Variants in TBC1D12 observed in about 807,000 individuals in gnomAD.
TBC1D12 encodes TBC1 domain family, member 12.
In TBC1D12, 56 loss-of-function variants were observed where a neutral mutation model predicts 86.7. That is an observed-to-expected ratio of 0.65 (90% CI 0.52 to 0.81). The LOEUF (loss-of-function observed/expected upper bound fraction) is 0.81. Ranked by LOEUF, TBC1D12 falls within the 30% of genes least tolerant of loss-of-function variation. The pLI, the probability that TBC1D12 is intolerant of heterozygous loss-of-function variation, is 0.00. For missense variants in TBC1D12, 1,023 were observed against 1,038.8 expected (o/e 0.98, Z 0.21); for synonymous variants, 421 against 411.7 (o/e 1.02, Z -0.27).
chr10:94,509,193 C>T (rs914121594), intron 7 of TBC1D12: 3 of 150,486 alleles, frequency 2.0e-5, no homozygotes, highest in African/African-American at 7.4e-5. Context: ...CAATCTCTGC[C>T]TCCCAGGTTC....
At chr10:94,481,641 C>G (rs568675347) in intron 3 of TBC1D12, among the ~76,000 whole-genome samples, 1 of 152,244 alleles carries the variant, frequency 6.6e-6, no homozygotes, top group Non-Finnish European at 1.5e-5. Flanking sequence ...TTATCTAGAC[C>G]ACTCACACTT....
chr10:94,416,598 A>G (rs987059828), intron 1 of TBC1D12, among the ~76,000 whole-genome samples: 1 of 152,214 alleles, frequency 6.6e-6, no homozygotes, highest in African/African-American at 2.4e-5. Context: ...TGAGTCCTCT[A>G]TGTATACTAG....
chr10:94,459,272 T>C (rs186938942), intron 2 of TBC1D12, among the ~76,000 whole-genome samples: 95 of 152,196 alleles, frequency 6.2e-4, no homozygotes, highest in Admixed American at 1.7e-3. Context: ...AGAGCAGTGA[T>C]TGGTGCATTT....
intron 9 of TBC1D12, among the ~76,000 whole-genome samples, chr10:94,516,052 A>C (rs887085668): frequency 7.0e-6 from 1 of 141,962 alleles, no homozygotes; most frequent in African/African-American, 2.5e-5. Flanking sequence ...TTGCCATTTA[A>C]TATTTTCAGA....
intron 5 of TBC1D12, among the ~76,000 whole-genome samples, chr10:94,499,121 A>G (rs918447013): frequency 1.3e-5 from 2 of 152,184 alleles, no homozygotes; most frequent in Non-Finnish European, 2.9e-5. Context: ...AAATCAAGCT[A>G]ATTAACACAT....
In TBC1D12 at chr10:94,447,745, T is replaced by C. The variant is rs909621292; in HGVS notation, c.1095+5726T>C. 4.3e-6 allele frequency: 4 copies of C among 939,228 alleles called. No individual in the cohort carries two copies. In the African/African-American group the frequency reaches 7.2e-5, roughly 17 times the overall value. 58.2% of individuals were successfully genotyped at this position (939,228 alleles called of 1,614,324 possible). On this transcript the variant is annotated intron_variant, in intron 2 of 12. Coordinates refer to ENST00000225235, the MANE Select transcript of TBC1D12 (RefSeq NM_015188.2). ...TATATCGTAGTTCAGTTGACCTGAGTTTTTTGTTTTTTTTTCTAAATTAGT... is the reference window on the plus strand; with the variant it reads ...TATATCGTAGTTCAGTTGACCTGAGCTTTTTGTTTTTTTTTCTAAATTAGT...
intron 11 of TBC1D12, among the ~76,000 whole-genome samples, chr10:94,528,589 A>C (rs1842353087): frequency 6.6e-6 from 1 of 152,142 alleles, no homozygotes; most frequent in African/African-American, 2.4e-5. Context: ...TGGGAGGCCG[A>C]GGCGGGTGGA....
At chr10:94,532,608 T>A (rs1842459941) in intron 12 of TBC1D12, among the ~76,000 whole-genome samples, 1 of 152,246 alleles carries the variant, frequency 6.6e-6, no homozygotes, top group Admixed American at 6.5e-5. Flanking sequence ...AAATACCTAC[T>A]GTGTACTAGG....
chr10:94,418,891 T>C (rs542407094), intron 1 of TBC1D12, among the ~76,000 whole-genome samples: 190 of 151,546 alleles, frequency 1.3e-3, no homozygotes, highest in South Asian at 4.8e-3. Flanking sequence ...TCTTTTTTTT[T>C]CGAGGCAGAG....
intron 3 of TBC1D12, among the ~76,000 whole-genome samples, chr10:94,477,408 A>G (rs192859166): frequency 3.3e-5 from 5 of 152,342 alleles, no homozygotes; most frequent in East Asian, 3.9e-4. Flanking sequence ...ACTTCAACCA[A>G]TTGAAAAATA....
chr10:94,504,591 G>A (rs1350302661), intron 6 of TBC1D12, among the ~76,000 whole-genome samples: 3 of 152,116 alleles, frequency 2.0e-5, no homozygotes, highest in South Asian at 4.1e-4. Flanking sequence ...TTAGAGAATA[G>A]TAGCTAAGAG....
At chr10:94,429,401 C>CT (rs2055187065) in intron 1 of TBC1D12, among the ~76,000 whole-genome samples, 2 of 151,882 alleles carry the variant, frequency 1.3e-5, no homozygotes, top group South Asian at 2.1e-4. Flanking sequence ...AAAAACCCTA[C>CT]TTTTTTTGCA....
intron 2 of TBC1D12, among the ~76,000 whole-genome samples, chr10:94,452,862 T>C (rs2055572220): frequency 6.6e-6 from 1 of 152,200 alleles, no homozygotes; most frequent in South Asian, 2.1e-4. Context: ...TAGCAAGATA[T>C]CTTCCAAAGT....
At position 94,453,177 on chromosome 10, in the gene TBC1D12, C is replaced by T. The variant is rs149938120; in HGVS notation, c.1095+11158C>T. On this transcript the variant is annotated intron_variant, in intron 2 of 12. Coordinates refer to ENST00000225235, the MANE Select transcript of TBC1D12 (RefSeq NM_015188.2). ...TCTTTGTATATTTTGGATAACAGTC[C>T]TTTGTCAGGCATGCCTTTGGCAAAT... 3.3e-3 allele frequency among the ~76,000 whole-genome samples: 503 copies of T among 152,082 alleles called. 3 individuals carry two copies. Among genetic ancestry groups the T allele is most frequent in the African/African-American group, 0.011 (472 of 41,502 alleles).
chr10:94,469,611 A>C (rs1248009475), intron 2 of TBC1D12, among the ~76,000 whole-genome samples: 1 of 151,590 alleles, frequency 6.6e-6, no homozygotes, highest in Admixed American at 6.6e-5. Context: ...CACCATGCCC[A>C]GCTAATTTTT....
chr10:94,420,401 A>G (rs973449853), intron 1 of TBC1D12, among the ~76,000 whole-genome samples: 2 of 152,248 alleles, frequency 1.3e-5, no homozygotes, highest in South Asian at 2.1e-4. Context: ...AGACATGCAT[A>G]TGACATAAAA....
At chr10:94,513,416 G>A (rs969137960) in intron 9 of TBC1D12, among the ~76,000 whole-genome samples, 1 of 151,774 alleles carries the variant, frequency 6.6e-6, no homozygotes, top group Non-Finnish European at 1.5e-5. Flanking sequence ...GCAAGACCCT[G>A]TCTCAAAAAA....
At chr10:94,478,905 G>A (rs752654808) in intron 3 of TBC1D12, among the ~76,000 whole-genome samples, 4 of 151,996 alleles carry the variant, frequency 2.6e-5, no homozygotes, top group Non-Finnish European at 5.9e-5. Context: ...TGCAGTGAGC[G>A]GAGATTGTGC....
At chr10:94,428,161 T>C (rs2055171137) in intron 1 of TBC1D12, among the ~76,000 whole-genome samples, 1 of 152,108 alleles carries the variant, frequency 6.6e-6, no homozygotes, top group Admixed American at 6.6e-5. Context: ...TTCAAACACT[T>C]AGTAGTGTGA....
Sources: gnomAD v4.1 joint callset for allele counts (sites outside exome capture counted in the v4.1 genomes callset) on GRCh38, gnomAD v4.1.1 for gene constraint, MANE v1.5 for transcripts, NCBI Gene and HGNC (gene_info 2026-07-23, HGNC 2026-07-21) for gene names.